STK32B: variants seen among roughly 807,000 people sequenced by gnomAD.
STK32B encodes the protein serine/threonine kinase 32B, also known as serine/threonine-protein kinase 32B.
In STK32B, 43 loss-of-function variants were observed where a neutral mutation model predicts 52.6. The ratio of observed to expected loss-of-function variants is 0.82; its 90% confidence interval spans 0.64 to 1.05. The LOEUF is 1.05. Among genes scored for constraint, STK32B ranks in the 50% least tolerant of loss-of-function variants. STK32B has a pLI of 0.00. For missense variants in STK32B, 621 were observed against 534.6 expected (o/e 1.16, Z -1.59); for synonymous variants, 238 against 204.3 (o/e 1.17, Z -1.41).
intron 4 of STK32B, among the ~76,000 whole-genome samples, chr4:5,349,635 C>T (rs1577380889): frequency 6.6e-6 from 1 of 152,002 alleles, no homozygotes; most frequent in African/African-American, 2.4e-5. Context: ...CAACACAGAT[C>T]CCAATCAAAA....
At chr4:5,498,059 A>G (rs1258591185) in intron 11 of STK32B, among the ~76,000 whole-genome samples, 2 of 152,170 alleles carry the variant, frequency 1.3e-5, no homozygotes, top group African/African-American at 4.8e-5. Flanking sequence ...CTAGTTTTAC[A>G]TAAGAAAGCT....
chr4:5,065,206 A>G (rs1742370900), intron 1 of STK32B, among the ~76,000 whole-genome samples: 1 of 152,228 alleles, frequency 6.6e-6, no homozygotes, highest in African/African-American at 2.4e-5. Context: ...GGAAAATGTA[A>G]TTCCAAGAAC....
intron 3 of STK32B, among the ~76,000 whole-genome samples, chr4:5,282,124 CTTAG>C (rs1450674667): frequency 1.3e-5 from 2 of 152,262 alleles, no homozygotes; most frequent in African/African-American, 2.4e-5. Context: ...AATTTACTCT[CTTAG>C]TTAGTATAAA....
intron 5 of STK32B, among the ~76,000 whole-genome samples, chr4:5,406,262 C>T (rs1014720656): frequency 6.6e-6 from 1 of 152,188 alleles, no homozygotes; most frequent in African/African-American, 2.4e-5. Context: ...GGCATCTCTG[C>T]CCGTGTTGCT....
At chr4:5,332,855 A>G (rs1338851790) in intron 4 of STK32B, among the ~76,000 whole-genome samples, 3 of 152,180 alleles carry the variant, frequency 2.0e-5, no homozygotes, top group Admixed American at 2.0e-4. Context: ...ATAGTATTCC[A>G]TGGTGTATAT....
intron 2 of STK32B, among the ~76,000 whole-genome samples, chr4:5,143,470 C>A (rs908091757): frequency 5.9e-5 from 9 of 152,158 alleles, no homozygotes; most frequent in Admixed American, 2.0e-4. Context: ...TCACTTCCTC[C>A]TTCTCACACT....
chr4:5,247,374 T>C (rs569812023), intron 3 of STK32B, among the ~76,000 whole-genome samples: 13 of 152,312 alleles, frequency 8.5e-5, no homozygotes, highest in African/African-American at 2.4e-4. Context: ...CTCTGAGCCA[T>C]GTGCAGGATA....
At chr4:5,266,069 A>G (rs1004310997) in intron 3 of STK32B, among the ~76,000 whole-genome samples, 2 of 152,198 alleles carry the variant, frequency 1.3e-5, no homozygotes, top group Non-Finnish European at 2.9e-5. Context: ...GTATACATTT[A>G]GTCTCTTAAT....
At chr4:5,214,041 A>G (rs1172919156) in intron 3 of STK32B, among the ~76,000 whole-genome samples, 1 of 152,086 alleles carries the variant, frequency 6.6e-6, no homozygotes, top group Non-Finnish European at 1.5e-5. Flanking sequence ...TGATTTTTGT[A>G]TATGGTGACT....
At position 5,389,459 on chromosome 4, in the gene STK32B, T is replaced by C. The variant is rs73093873; in HGVS notation, c.435-8748T>C. 7.0e-3 allele frequency among the ~76,000 whole-genome samples: 1,060 copies of C among 152,320 alleles called. 11 individuals are homozygous for C. Among genetic ancestry groups the C allele is most frequent in the African/African-American group, 0.024 (977 of 41,558 alleles). ...GGCTTGCAGATGGCTGCCTTCTTGCTGCTCTTCACAAGACCGTTCCTCTGC... is the reference window on the plus strand; with the variant it reads ...GGCTTGCAGATGGCTGCCTTCTTGCCGCTCTTCACAAGACCGTTCCTCTGC... On this transcript the variant is annotated intron_variant, in intron 4 of 11. Transcript: ENST00000282908.
chr4:5,444,973 G>A (rs1267962876), intron 6 of STK32B, among the ~76,000 whole-genome samples: 1 of 152,198 alleles, frequency 6.6e-6, no homozygotes, highest in African/African-American at 2.4e-5. Context: ...GTGGCACTGA[G>A]TATGTAGTTT....
At chr4:5,163,232 T>A (rs1407324222) in intron 2 of STK32B, among the ~76,000 whole-genome samples, 1 of 152,172 alleles carries the variant, frequency 6.6e-6, no homozygotes, top group Non-Finnish European at 1.5e-5. Context: ...AGGTGACACT[T>A]TCACATGTGT....
chr4:5,468,770 T>C (rs1717630819), intron 11 of STK32B, among the ~76,000 whole-genome samples: 1 of 151,952 alleles, frequency 6.6e-6, no homozygotes, highest in South Asian at 2.1e-4. Context: ...CCAATGATAA[T>C]ATCTAGAGGA....
chr4:5,098,252 G>C (rs190723229), intron 1 of STK32B, among the ~76,000 whole-genome samples: 2 of 152,350 alleles, frequency 1.3e-5, no homozygotes, highest in East Asian at 3.9e-4. Flanking sequence ...ATTTGGAGCA[G>C]AAGGACTTGT....
intron 1 of STK32B, among the ~76,000 whole-genome samples, chr4:5,081,324 A>AT (rs1470078478): frequency 6.6e-6 from 1 of 151,976 alleles, no homozygotes. Context: ...TAATAGTTTG[A>AT]TTGCAATGTG....
At chr4:5,223,090 G>C (rs1364035562) in intron 3 of STK32B, among the ~76,000 whole-genome samples, 2 of 152,138 alleles carry the variant, frequency 1.3e-5, no homozygotes, top group Non-Finnish European at 1.5e-5. Context: ...GCACTCTTTG[G>C]TTACCATAGC....
At chr4:5,295,064 G>C (rs1374746037) in intron 3 of STK32B, among the ~76,000 whole-genome samples, 1 of 152,144 alleles carries the variant, frequency 6.6e-6, no homozygotes, top group Non-Finnish European at 1.5e-5. Flanking sequence ...ATGTTTATGT[G>C]ATGGATTACA....
chr4:5,357,897 C>T (rs1399468905), intron 4 of STK32B, among the ~76,000 whole-genome samples: 1 of 152,074 alleles, frequency 6.6e-6, no homozygotes, highest in Non-Finnish European at 1.5e-5. Flanking sequence ...ACGACTTAAG[C>T]AGTACTCTTT....
chr4:5,474,613 C>T (rs1718096812), intron 11 of STK32B, among the ~76,000 whole-genome samples: 1 of 152,156 alleles, frequency 6.6e-6, no homozygotes, highest in Non-Finnish European at 1.5e-5. Flanking sequence ...TCTAGGCCTC[C>T]CAAAGTGAAG....
Sources: allele counts gnomAD v4.1 joint callset (sites outside exome capture counted in the v4.1 genomes callset), GRCh38; gene constraint gnomAD v4.1.1; transcripts MANE v1.5; gene names NCBI Gene and HGNC (gene_info 2026-07-23, HGNC 2026-07-21).